Variants in PHF7 observed in about 807,000 individuals in gnomAD.
PHF7 encodes PHD finger protein 7.
PHF7 carries 24 observed loss-of-function variants against 47.5 expected under a neutral mutation model. That is an observed-to-expected ratio of 0.51 (90% CI 0.37 to 0.71). PHF7 has a LOEUF of 0.71. Among genes scored for constraint, PHF7 ranks in the 30% least tolerant of loss-of-function variants. The pLI is 0.00. For synonymous variants in PHF7, 156 were observed against 153.8 expected, an observed-to-expected ratio of 1.01 and a Z score of -0.11; for missense variants, 361 against 456.8, an observed-to-expected ratio of 0.79 and a Z score of 1.91.
At position 52,423,388 on chromosome 3, in the gene PHF7, G is replaced by GAGCA; in HGVS notation, c.*72_*75dup. ...CGCTCCTCCATCGGGTTTGGGGAGG[G>GAGCA]AGCACTCTGGGACTGTGAGACAAGG... On this transcript the variant is annotated 3_prime_UTR_variant, in exon 11 of 11. Transcript: ENST00000327906. The GAGCA allele has an allele frequency of 1.0e-6, 1 of 955,612 alleles. No individual in the cohort carries two copies. Among genetic ancestry groups the GAGCA allele is most frequent in the Admixed American group, 2.1e-5 (1 of 48,422 alleles). The allele number at this position is 955,612 out of a possible 1,614,324, so 59.2% of individuals were successfully genotyped here.
Position 52,423,314 on chromosome 3 carries a change from GT to G in PHF7, c.1144del (p.Ter382AsnfsTer4). Reference sequence around the variant, plus strand: ...TCACTAACAGCTGCAAAAAATCCAAGTAACACCTTCTGAGTAGCTGCTGTCC... The same window carrying G: ...TCACTAACAGCTGCAAAAAATCCAAGAACACCTTCTGAGTAGCTGCTGTCC... ...RITNSCKKSK[*>X] On this transcript the variant is annotated frameshift_variant and stop_lost, in exon 11 of 11. Coordinates refer to ENST00000327906, the MANE Select transcript of PHF7 (RefSeq NM_016483.7). LOFTEE classifies it high-confidence loss of function. 1 of 1,602,690 alleles carries G rather than the reference GT, an allele frequency of 6.2e-7. No homozygotes were observed. The highest frequency in any genetic ancestry group is 8.5e-7 in the Non-Finnish European group (1 of 1,169,892).
chr3:52,421,092 C>T, intron 7 of PHF7, 30 bp downstream of exon 7: 1 of 1,570,328 alleles, frequency 6.4e-7, no homozygotes, highest in Non-Finnish European at 8.6e-7. Context: ...GGGTCCCTTC[C>T]ACCATTGCCC....
chr3:52,422,552 G>A, intron 9 of PHF7: 2 of 656,154 alleles, frequency 3.0e-6, no homozygotes, highest in Non-Finnish European at 5.4e-6. Context: ...CCAGTGGAGA[G>A]ACATTCAGAG....
Position 52,423,243 on chromosome 3 carries a change from TC to T in PHF7, c.1073del (p.Ser358PhefsTer28), listed in dbSNP as rs1232085552. On this transcript the variant is annotated frameshift_variant, in exon 11 of 11. Transcript: ENST00000327906. LOFTEE classifies it high-confidence loss of function. ...TTCCTTATTAGAAAAGCCAGAGTCC[TC>T]TCGTGGCAGGAGGAGCTACTCCTGG... The part of the protein sequence containing the change: ...EPSLLEKPES[S>X]RGRRSYSWRS... 1 of 1,614,006 alleles carries T rather than the reference TC, an allele frequency of 6.2e-7. No individual in the cohort carries two copies. The highest frequency in any genetic ancestry group is 8.5e-7 in the Non-Finnish European group (1 of 1,179,984).
chr3:52,412,757 T>C (rs1705490908), intron 1 of PHF7, 54 bp from the exon 2 acceptor site: 1 of 804,884 alleles, frequency 1.2e-6, no homozygotes, highest in Middle Eastern at 2.3e-4. Context: ...CCTGGGGAAC[T>C]TGATAACCAA....
At position 52,419,429 on chromosome 3, in the gene PHF7, C is replaced by CTTTT. The variant is rs761599290; in HGVS notation, c.187-396_187-393dup. Reference sequence around the variant, plus strand: ...CATATATATTCCACCAAGCTCTGTTCTTTTTTTTTTTCTTTTTTGAGACAG... The same window carrying CTTTT: ...CATATATATTCCACCAAGCTCTGTTCTTTTTTTTTTTTTTTCTTTTTTGAGACAG... On this transcript the variant is annotated intron_variant, in intron 4 of 10. Transcript: ENST00000327906. Among the ~76,000 whole-genome samples the CTTTT allele has an allele frequency of 2.9e-5, 4 of 138,820 alleles. 1 individual carries two copies. The highest frequency in any genetic ancestry group is 4.8e-5 in the Non-Finnish European group (3 of 63,130). The allele number at this position is 138,820 out of a possible 152,430, so 91.1% of individuals were successfully genotyped here.
At chr3:52,418,970 A>G (rs1438750110) in intron 4 of PHF7, among the ~76,000 whole-genome samples, 1 of 151,734 alleles carries the variant, frequency 6.6e-6, no homozygotes, top group African/African-American at 2.4e-5. Flanking sequence ...ACCATGCCCT[A>G]GTTTTTGTAT....
chr3:52,413,893 G>A (rs1040250872), intron 2 of PHF7, 103 bp from the exon 3 acceptor site: 2 of 751,478 alleles, frequency 2.7e-6, no homozygotes, highest in Admixed American at 4.1e-5. Context: ...TAGATATGTT[G>A]GTCCTTCATC....
intron 4 of PHF7, among the ~76,000 whole-genome samples, 160 bp from the exon 5 acceptor site, chr3:52,419,673 C>T (rs940985800): frequency 1.3e-5 from 2 of 152,024 alleles, no homozygotes; most frequent in South Asian, 2.1e-4. Context: ...CCTCGTGATC[C>T]GCCCGCCTCG....
At chr3:52,413,910 A>G (rs1705541085) in intron 2 of PHF7, 86 bp from the exon 3 acceptor site, 8 of 885,228 alleles carry the variant, frequency 9.0e-6, no homozygotes, top group Middle Eastern at 2.2e-4. Context: ...CATCAGACCC[A>G]TGAATGGCAT....
Position 52,421,002 on chromosome 3 carries a change from T to C in PHF7, c.513T>C (p.Ser171=), listed in dbSNP as rs1328626188. 1 of 1,613,522 alleles carries C rather than the reference T, an allele frequency of 6.2e-7. No individual in the cohort carries two copies. The highest frequency in any genetic ancestry group is 8.5e-7 in the Non-Finnish European group (1 of 1,179,732). The change falls in exon 7 of 11, where the codon AGT becomes AGC. Residue 171 remains serine (S), a synonymous_variant. Coordinates refer to ENST00000327906, the MANE Select transcript of PHF7 (RefSeq NM_016483.7). ...ILCCEDLSQQ[S]VENIQSPCCS... Reference sequence around the variant, plus strand: ...GTTGTGAAGACTTATCCCAACAGAGTGTTGAGAACATCCAGAGCCCGTGTT... The same window carrying C: ...GTTGTGAAGACTTATCCCAACAGAGCGTTGAGAACATCCAGAGCCCGTGTT...
At chr3:52,411,354 TTC>T (rs1467008949) in intron 1 of PHF7, 107 bp downstream of exon 1, 1 of 152,340 alleles carries the variant, frequency 6.6e-6, no homozygotes, top group African/African-American at 2.4e-5. Context: ...GGACATGCCC[TTC>T]TCTCTCCTCT....
chr3:52,418,806 G>A lies in PHF7; in HGVS notation c.187-1027G>A, dbSNP rs1414615873. Among the ~76,000 whole-genome samples, 9 of 150,936 alleles carry A rather than the reference G, an allele frequency of 6.0e-5. No homozygotes were observed. In the East Asian group the frequency reaches 1.7e-3, roughly 29 times the overall value. ...ATCATAATAGCATCTGCCATTACAG[G>A]AATTTTTTTTTTTTTTTTTGAGACG... On this transcript the variant is annotated intron_variant, in intron 4 of 10. Coordinates refer to ENST00000327906, the MANE Select transcript of PHF7 (RefSeq NM_016483.7).
intron 4 of PHF7, among the ~76,000 whole-genome samples, chr3:52,419,567 A>G (rs745440084): frequency 2.6e-5 from 4 of 151,682 alleles, no homozygotes; most frequent in Non-Finnish European, 4.4e-5. Context: ...AGTAGCTGGG[A>G]CTACAGGTGC....
At chr3:52,422,590 A>G (rs2153229246) in intron 9 of PHF7, 170 bp from the exon 10 acceptor site, 3 of 725,428 alleles carry the variant, frequency 4.1e-6, no homozygotes, top group East Asian at 5.1e-5. Flanking sequence ...CTACCTTTCA[A>G]GGGGTTACGA....
At chr3:52,422,081 T>C in intron 8 of PHF7, 141 bp from the exon 9 acceptor site, 1 of 707,630 alleles carries the variant, frequency 1.4e-6, no homozygotes, top group Non-Finnish European at 2.6e-6. Flanking sequence ...CCAGGCCACT[T>C]GGCCAGCCTT....
At position 52,423,210 on chromosome 3, in the gene PHF7, C is replaced by G. The variant is rs1705849200; in HGVS notation, c.1039C>G (p.Pro347Ala). The G allele has an allele frequency of 1.9e-6, 3 of 1,613,740 alleles. No homozygotes were observed. ...TCCGGGCCTTTCTTGGACTGATTGG[C>G]CAGAACCTTCCTTATTAGAAAAGCC... ...ENPGLSWTDW[P>A]EPSLLEKPES... The change falls in exon 11 of 11, where the codon CCA becomes GCA. Residue 347 changes from proline (P) to alanine (A), a missense_variant. Pro to Ala is a conservative substitution (Grantham distance 27, BLOSUM62 -1). Coordinates refer to ENST00000327906, the MANE Select transcript of PHF7 (RefSeq NM_016483.7).
At chr3:52,421,357 G>T (rs776955845) in intron 7 of PHF7, among the ~76,000 whole-genome samples, 27 of 152,186 alleles carry the variant, frequency 1.8e-4, no homozygotes, top group Admixed American at 3.9e-4. Flanking sequence ...TCACTTCCTG[G>T]GATGAAAGAA....
intron 1 of PHF7, among the ~76,000 whole-genome samples, chr3:52,411,528 G>C (rs1420152233): frequency 1.3e-5 from 2 of 152,228 alleles, no homozygotes; most frequent in African/African-American, 4.8e-5. Context: ...TATTCATGCA[G>C]AATAGTTTAA....
Sources: allele counts gnomAD v4.1 joint callset (sites outside exome capture counted in the v4.1 genomes callset), GRCh38; gene constraint gnomAD v4.1.1; transcripts MANE v1.5; gene names NCBI Gene and HGNC (gene_info 2026-07-23, HGNC 2026-07-21).